The following AGTPBP1 variants were observed in gnomAD, a reference collection of about 807,000 sequenced individuals.
The protein encoded by AGTPBP1 is cytosolic carboxypeptidase 1.
Under a neutral mutation model 143.9 loss-of-function variants are expected in AGTPBP1, and 70 were observed. That is an observed-to-expected ratio of 0.49 (90% CI 0.40 to 0.59). AGTPBP1 has a LOEUF of 0.59. Among genes scored for constraint, AGTPBP1 ranks in the 20% least tolerant of loss-of-function variants. AGTPBP1 has a pLI of 0.00. For synonymous variants in AGTPBP1, 463 were observed against 500.2 expected (o/e 0.93, Z 0.99); for missense variants, 1,229 against 1,464.5 (o/e 0.84, Z 2.62).
At chr9:85,661,332 C>A (rs557400906) in intron 8 of AGTPBP1, among the ~76,000 whole-genome samples, 1 of 152,124 alleles carries the variant, frequency 6.6e-6, no homozygotes, top group East Asian at 1.9e-4. Context: ...AAAAATCATA[C>A]GCCGTGACTT....
chr9:85,560,049 C>A (rs1826604619), intron 25 of AGTPBP1, among the ~76,000 whole-genome samples: 1 of 152,082 alleles, frequency 6.6e-6, no homozygotes, highest in South Asian at 2.1e-4. Flanking sequence ...GGGTCAAGGT[C>A]CCACCAGCAT....
chr9:85,632,961 T>C lies in AGTPBP1; in HGVS notation c.1716A>G (p.Pro572=), dbSNP rs1831779851. Residue 572 remains proline (P), a synonymous_variant, in exon 14 of 26, where the codon CCA becomes CCG. Transcript: ENST00000357081. ...GAACATTTCCACAAGTAGCCATGTG[T>C]GGACATGCTTTAGCACAGGTAAGGA... is the stretch of plus-strand genomic sequence containing the variant. ...LTVLTCAKAC[P]HMATCGNVLF... 6.2e-7 allele frequency: 1 copy of C among 1,614,162 alleles called. No homozygotes were observed.
intron 12 of AGTPBP1, among the ~76,000 whole-genome samples, chr9:85,643,984 G>A (rs1469203): frequency 0.057 from 8,733 of 151,962 alleles, 767 homozygotes; most frequent in East Asian, 0.45. Flanking sequence ...TAATTTACAA[G>A]TATATTTTAC....
chr9:85,600,155 T>C (rs934112780), intron 17 of AGTPBP1, among the ~76,000 whole-genome samples: 1 of 152,250 alleles, frequency 6.6e-6, no homozygotes, highest in Non-Finnish European at 1.5e-5. Flanking sequence ...TTAAGTAACC[T>C]ATTCTTTTAA....
intron 8 of AGTPBP1, among the ~76,000 whole-genome samples, chr9:85,668,338 T>C (rs767587382): frequency 4.6e-5 from 7 of 151,898 alleles, no homozygotes; most frequent in Non-Finnish European, 1.0e-4. Flanking sequence ...AGATTTTAGA[T>C]TGTATTAAGT....
intron 7 of AGTPBP1, among the ~76,000 whole-genome samples, chr9:85,670,226 T>G (rs1834398838): frequency 6.6e-6 from 1 of 151,978 alleles, no homozygotes; most frequent in South Asian, 2.1e-4. Context: ...ACACAGAGTA[T>G]CAAGAAAAGA....
rs1261208737 is a variant in AGTPBP1, at chr9:85,677,462, G to C, written c.410C>G (p.Ser137Cys). The change falls in exon 6 of 26, where the codon TCT becomes TGT. Residue 137 changes from serine (S) to cysteine (C), a missense_variant. Physicochemically the swap from Ser to Cys is moderately radical, Grantham distance 112 (BLOSUM62 -1). Coordinates refer to ENST00000357081, the MANE Select transcript of AGTPBP1 (RefSeq NM_001330701.2). ...PHEDLMVQIHSILAKIGPKDK... is the reference protein window; with the variant it reads ...PHEDLMVQIHCILAKIGPKDK... ...TTTTGGTCCAATCTTTGCAAGAATA[G>C]AATGAATCTGTACCATTAAGTCCTC... is the stretch of plus-strand genomic sequence containing the variant. 1.2e-6 allele frequency: 2 copies of C among 1,606,122 alleles called. No individual in the cohort carries two copies. Among genetic ancestry groups the C allele is most frequent in the Non-Finnish European group, 1.7e-6 (2 of 1,176,664 alleles).
At chr9:85,654,842 CA>C (rs892734076) in intron 11 of AGTPBP1, among the ~76,000 whole-genome samples, 34 of 136,088 alleles carry the variant, frequency 2.5e-4, no homozygotes, top group Middle Eastern at 4.0e-3. Context: ...GACTCTGTCT[CA>C]AAAAAAAAAA....
intron 1 of AGTPBP1, among the ~76,000 whole-genome samples, chr9:85,738,031 C>T (rs1666790024): frequency 2.0e-5 from 3 of 152,088 alleles, no homozygotes; most frequent in Middle Eastern, 3.2e-3. Flanking sequence ...AAAACAATGC[C>T]ACTTTTCTCA....
At chr9:85,780,665 AG>A in the AGTPBP1 span, among the ~76,000 whole-genome samples, 1 of 152,174 alleles carries the variant, frequency 6.6e-6, no homozygotes, top group Non-Finnish European at 1.5e-5. Context: ...GAGGGTTGGT[AG>A]GGGGTAGGAT....
At chr9:85,788,794 G>C in the AGTPBP1 span, among the ~76,000 whole-genome samples, 3 of 150,146 alleles carry the variant, frequency 2.0e-5, no homozygotes, top group African/African-American at 7.3e-5. Flanking sequence ...AGATACACTT[G>C]TATATATACA....
the AGTPBP1 span, among the ~76,000 whole-genome samples, chr9:85,781,581 T>C: frequency 8.5e-5 from 13 of 152,236 alleles, no homozygotes; most frequent in African/African-American, 3.1e-4. Flanking sequence ...AATTATTGAT[T>C]GTCTGCCATG....
chr9:85,565,354 G>A (rs796170501), intron 25 of AGTPBP1, among the ~76,000 whole-genome samples: 7 of 152,154 alleles, frequency 4.6e-5, no homozygotes, highest in East Asian at 1.9e-4. Context: ...GGAATAACAC[G>A]ATCCACACTG....
chr9:85,672,334 G>A (rs1834538850), intron 7 of AGTPBP1, among the ~76,000 whole-genome samples: 1 of 152,134 alleles, frequency 6.6e-6, no homozygotes, highest in Non-Finnish European at 1.5e-5. Context: ...CTCCCAAAGT[G>A]CTGGGATTAC....
chr9:85,574,346 G>A (rs1406372000), intron 25 of AGTPBP1, among the ~76,000 whole-genome samples: 1 of 151,978 alleles, frequency 6.6e-6, no homozygotes, highest in African/African-American at 2.4e-5. Context: ...AGGGCCGCAG[G>A]GTCCTCTGCC....
chr9:85,601,115 G>A (rs540705779), intron 17 of AGTPBP1, among the ~76,000 whole-genome samples: 9 of 152,060 alleles, frequency 5.9e-5, no homozygotes, highest in South Asian at 2.1e-4. Flanking sequence ...CCCAGCTGTC[G>A]CCTGGGGCTG....
intron 12 of AGTPBP1, among the ~76,000 whole-genome samples, chr9:85,645,206 C>T (rs1285008487): frequency 2.6e-5 from 4 of 152,032 alleles, no homozygotes; most frequent in African/African-American, 9.7e-5. Context: ...GTTAAGTGTT[C>T]AATAATAAAA....
At chr9:85,559,754 AG>A (rs1192614332) in intron 25 of AGTPBP1, among the ~76,000 whole-genome samples, 1 of 152,222 alleles carries the variant, frequency 6.6e-6, no homozygotes, top group African/African-American at 2.4e-5. Context: ...TGACAGTTCC[AG>A]GAACACCCAT....
At chr9:85,652,777 A>C (rs1408634549) in intron 11 of AGTPBP1, among the ~76,000 whole-genome samples, 1 of 152,196 alleles carries the variant, frequency 6.6e-6, no homozygotes, top group East Asian at 1.9e-4. Flanking sequence ...CCCCACCCCC[A>C]TCAACTTTAT....
Sources: allele counts gnomAD v4.1 joint callset (sites outside exome capture counted in the v4.1 genomes callset), GRCh38; gene constraint gnomAD v4.1.1; transcripts MANE v1.5; gene names NCBI Gene and HGNC (gene_info 2026-07-23, HGNC 2026-07-21).